SYT16: variants seen among roughly 807,000 people sequenced by gnomAD.
SYT16 encodes synaptotagmin-16.
A neutral mutation model predicts 61.4 loss-of-function variants in SYT16; 42 were observed. That is an observed-to-expected ratio of 0.68 (90% CI 0.53 to 0.89). The LOEUF is 0.89. Among genes scored for constraint, SYT16 ranks in the 40% least tolerant of loss-of-function variants. The pLI, the probability that SYT16 is intolerant of heterozygous loss-of-function variation, is 0.00. For synonymous variants in SYT16, 314 were observed against 302.3 expected (o/e 1.04, Z -0.40); for missense variants, 804 against 807.3 (o/e 1.00, Z 0.05).
At chr14:61,849,941 T>G (rs2046561165) in intron 1 of SYT16, among the ~76,000 whole-genome samples, 1 of 152,188 alleles carries the variant, frequency 6.6e-6, no homozygotes, top group Admixed American at 6.5e-5. Flanking sequence ...ATGATTTATT[T>G]TTCTCTTGGT....
chr14:61,936,284 A>G (rs1201610823), intron 1 of SYT16, among the ~76,000 whole-genome samples: 3 of 152,182 alleles, frequency 2.0e-5, no homozygotes, highest in Non-Finnish European at 4.4e-5. Flanking sequence ...ATAGCAATGC[A>G]TGAGGAGTCA....
At chr14:61,948,296 A>C (rs548067811) in intron 1 of SYT16, among the ~76,000 whole-genome samples, 31 of 152,216 alleles carry the variant, frequency 2.0e-4, no homozygotes, top group African/African-American at 7.5e-4. Flanking sequence ...TCTGAACCTC[A>C]CTATCCTGTA....
At chr14:61,935,658 G>T (rs951005604) in intron 1 of SYT16, among the ~76,000 whole-genome samples, 1 of 152,212 alleles carries the variant, frequency 6.6e-6, no homozygotes, top group African/African-American at 2.4e-5. Flanking sequence ...GTTTCTCTGG[G>T]AAAGTGTTTG....
At chr14:62,034,394 C>G (rs1266158671) in intron 3 of SYT16, among the ~76,000 whole-genome samples, 1 of 152,136 alleles carries the variant, frequency 6.6e-6, no homozygotes, top group Non-Finnish European at 1.5e-5. Flanking sequence ...AAACAAAATC[C>G]TGTACATGAA....
chr14:61,951,097 C>T (rs747610365), intron 1 of SYT16, among the ~76,000 whole-genome samples: 16 of 152,198 alleles, frequency 1.1e-4, no homozygotes, highest in Non-Finnish European at 2.2e-4. Context: ...TAGGGCTATG[C>T]ATTTTTGCTC....
At chr14:62,098,839 C>G (rs986045809) in intron 7 of SYT16, among the ~76,000 whole-genome samples, 1 of 152,106 alleles carries the variant, frequency 6.6e-6, no homozygotes, top group Non-Finnish European at 1.5e-5. Context: ...AGAGGGTTAT[C>G]TGAACTGGTG....
intron 3 of SYT16, among the ~76,000 whole-genome samples, chr14:62,023,108 GC>G (rs1199161082): frequency 2.6e-5 from 4 of 152,034 alleles, no homozygotes; most frequent in Non-Finnish European, 5.9e-5. Context: ...GTGACTTACT[GC>G]CAAACATTGT....
chr14:61,952,158 T>C (rs983183495), intron 1 of SYT16, among the ~76,000 whole-genome samples: 12 of 151,580 alleles, frequency 7.9e-5, no homozygotes, highest in Non-Finnish European at 1.6e-4. Context: ...GCAAATGACA[T>C]AAATTGTACA....
chr14:61,863,438 TG>T (rs1363738928), intron 1 of SYT16, among the ~76,000 whole-genome samples: 41 of 152,148 alleles, frequency 2.7e-4, no homozygotes, highest in Admixed American at 2.7e-3. Context: ...TAAAGCTCTT[TG>T]GCCCATTTTT....
intron 3 of SYT16, among the ~76,000 whole-genome samples, chr14:62,037,401 G>T (rs566735272): frequency 6.6e-6 from 1 of 152,024 alleles, no homozygotes; most frequent in African/African-American, 2.4e-5. Context: ...CATGTGGTTC[G>T]GGATGTCTCT....
intron 1 of SYT16, among the ~76,000 whole-genome samples, chr14:61,934,972 T>C (rs943502190): frequency 6.6e-6 from 1 of 152,210 alleles, no homozygotes; most frequent in South Asian, 2.1e-4. Flanking sequence ...TCCTTCTTCC[T>C]TTTTATTTTC....
At chr14:61,845,342 C>A (rs146185792) in intron 1 of SYT16, among the ~76,000 whole-genome samples, 1,558 of 152,218 alleles carry the variant, frequency 0.01, 29 homozygotes, top group African/African-American at 0.035. Flanking sequence ...CCACTGTGCC[C>A]AGCCTGGGAG....
intron 1 of SYT16, among the ~76,000 whole-genome samples, chr14:61,949,272 GGTTATAGA>G (rs2050570215): frequency 6.6e-6 from 1 of 152,108 alleles, no homozygotes; most frequent in South Asian, 2.1e-4. Context: ...ATATCACCCT[GGTTATAGA>G]GTTAGTACAC....
At chr14:61,874,941 A>G (rs2047440770) in intron 1 of SYT16, among the ~76,000 whole-genome samples, 1 of 152,208 alleles carries the variant, frequency 6.6e-6, no homozygotes, top group Non-Finnish European at 1.5e-5. Context: ...GAAAGAAAAC[A>G]CACTGAATTT....
At chr14:61,839,594 G>A (rs2062264038) in intron 1 of SYT16, among the ~76,000 whole-genome samples, 1 of 152,136 alleles carries the variant, frequency 6.6e-6, no homozygotes, top group African/African-American at 2.4e-5. Context: ...AGTGAGAACT[G>A]CACCAGTACA....
chr14:61,905,260 G>A (rs182035032), intron 1 of SYT16, among the ~76,000 whole-genome samples: 4 of 152,008 alleles, frequency 2.6e-5, no homozygotes, highest in Admixed American at 2.6e-4. Context: ...GAAGACTTAA[G>A]CTTTTATCAA....
At chr14:62,039,610 T>C (rs2054636526) in intron 3 of SYT16, among the ~76,000 whole-genome samples, 1 of 152,176 alleles carries the variant, frequency 6.6e-6, no homozygotes, top group African/African-American at 2.4e-5. Flanking sequence ...ATGAATTTAA[T>C]ACATTTTTAA....
intron 1 of SYT16, among the ~76,000 whole-genome samples, chr14:61,962,500 T>G (rs529423168): frequency 6.6e-6 from 1 of 152,276 alleles, no homozygotes; most frequent in East Asian, 1.9e-4. Context: ...GATCTTTTTG[T>G]GTTCAATCTA....
At chr14:61,917,683 CT>C (rs1479998115) in intron 1 of SYT16, among the ~76,000 whole-genome samples, 1 of 151,706 alleles carries the variant, frequency 6.6e-6, no homozygotes, top group Non-Finnish European at 1.5e-5. Context: ...TTGAGTTGGA[CT>C]TTTTTTTGTC....
Sources: allele counts gnomAD v4.1 joint callset (sites outside exome capture counted in the v4.1 genomes callset), GRCh38; gene constraint gnomAD v4.1.1; transcripts MANE v1.5; gene names NCBI Gene and HGNC (gene_info 2026-07-23, HGNC 2026-07-21).